The following C8orf34 variants were observed in gnomAD, a reference collection of about 807,000 sequenced individuals.
C8orf34 encodes the protein chromosome 8 open reading frame 34, also known as uncharacterized protein C8orf34.
C8orf34 carries 65 observed loss-of-function variants against 68.3 expected under a neutral mutation model. The observed-to-expected ratio is 0.95, with a 90% CI of 0.78 to 1.17. C8orf34 has a LOEUF of 1.17. Among genes scored for constraint, C8orf34 ranks in the 50% most tolerant of loss-of-function variants. The pLI is 0.00. For missense variants in C8orf34, 664 were observed against 655.4 expected, an observed-to-expected ratio of 1.01 and a Z score of -0.14; for synonymous variants, 244 against 241.2, an observed-to-expected ratio of 1.01 and a Z score of -0.11.
At chr8:68,723,905 C>T (rs908081116) in intron 10 of C8orf34, among the ~76,000 whole-genome samples, 1 of 152,122 alleles carries the variant, frequency 6.6e-6, no homozygotes, top group African/African-American at 2.4e-5. Flanking sequence ...CATACTGCTT[C>T]CCCAATGCAA....
intron 10 of C8orf34, among the ~76,000 whole-genome samples, chr8:68,727,799 C>G (rs1821875152): frequency 6.6e-6 from 1 of 152,166 alleles, no homozygotes; most frequent in African/African-American, 2.4e-5. Flanking sequence ...AGGTGGGACA[C>G]AGGGCACCAA....
chr8:68,682,882 C>T (rs1223122421), intron 8 of C8orf34, among the ~76,000 whole-genome samples: 1 of 152,098 alleles, frequency 6.6e-6, no homozygotes, highest in African/African-American at 2.4e-5. Flanking sequence ...AGGAAGCAAA[C>T]TATTACATTT....
At chr8:68,348,555 G>A (rs1045507197) in intron 1 of C8orf34, among the ~76,000 whole-genome samples, 5 of 152,098 alleles carry the variant, frequency 3.3e-5, no homozygotes, top group African/African-American at 1.2e-4. Context: ...GCCTTGGGCA[G>A]TCTAGTCATT....
chr8:68,605,319 A>C (rs980519186), intron 7 of C8orf34, among the ~76,000 whole-genome samples: 1 of 152,156 alleles, frequency 6.6e-6, no homozygotes, highest in South Asian at 2.1e-4. Flanking sequence ...ATAAAACTAA[A>C]TATACTTTTA....
At chr8:68,408,980 G>A (rs1430978058) in intron 1 of C8orf34, among the ~76,000 whole-genome samples, 1 of 152,042 alleles carries the variant, frequency 6.6e-6, no homozygotes, top group Non-Finnish European at 1.5e-5. Context: ...GTAGAGACGC[G>A]GTTTCACCAT....
At chr8:68,623,802 G>C (rs1818455908) in intron 7 of C8orf34, among the ~76,000 whole-genome samples, 2 of 151,950 alleles carry the variant, frequency 1.3e-5, no homozygotes, top group Admixed American at 1.3e-4. Flanking sequence ...ATTCATGAGT[G>C]TTCCACTCAC....
intron 1 of C8orf34, among the ~76,000 whole-genome samples, chr8:68,423,451 T>A (rs1810070705): frequency 6.6e-6 from 1 of 152,144 alleles, no homozygotes; most frequent in Admixed American, 6.5e-5. Context: ...GACTTCAGTG[T>A]CCATATCACT....
intron 10 of C8orf34, among the ~76,000 whole-genome samples, chr8:68,758,379 T>C (rs1473341215): frequency 6.6e-6 from 1 of 152,222 alleles, no homozygotes; most frequent in African/African-American, 2.4e-5. Flanking sequence ...CAGCAAATTC[T>C]CAAGCTAAGC....
At chr8:68,463,527 A>T (rs1257850308) in intron 3 of C8orf34, among the ~76,000 whole-genome samples, 2 of 152,222 alleles carry the variant, frequency 1.3e-5, no homozygotes, top group African/African-American at 2.4e-5. Context: ...ATGAACATTG[A>T]TGCAAAAATC....
chr8:68,787,753 G>GA (rs78841992), intron 12 of C8orf34: 29,625 of 295,194 alleles, frequency 0.1, 1,956 homozygotes, highest in East Asian at 0.33. Flanking sequence ...TAACTTTCTA[G>GA]AAAAAAAAAG....
chr8:68,411,553 T>A (rs1174678504), intron 1 of C8orf34, among the ~76,000 whole-genome samples: 1 of 152,234 alleles, frequency 6.6e-6, no homozygotes, highest in Non-Finnish European at 1.5e-5. Flanking sequence ...GATTGCTGTG[T>A]ATTGTCCATT....
intron 3 of C8orf34, among the ~76,000 whole-genome samples, chr8:68,455,164 A>G (rs935929798): frequency 6.6e-6 from 1 of 152,132 alleles, no homozygotes; most frequent in Admixed American, 6.5e-5. Context: ...GTTGCCTAAC[A>G]TAAGATCTCT....
At chr8:68,511,714 A>G (rs895169835) in intron 5 of C8orf34, among the ~76,000 whole-genome samples, 3 of 152,246 alleles carry the variant, frequency 2.0e-5, no homozygotes, top group East Asian at 1.9e-4. Flanking sequence ...TAACAATGCC[A>G]TAAGTTAAGA....
At chr8:68,615,604 G>C (rs558423829) in intron 7 of C8orf34, among the ~76,000 whole-genome samples, 1 of 152,130 alleles carries the variant, frequency 6.6e-6, no homozygotes, top group Non-Finnish European at 1.5e-5. Flanking sequence ...ATTGATTTGC[G>C]TATATTGAAC....
At position 68,582,914 on chromosome 8, in the gene C8orf34, A is replaced by G. The variant is rs573272704; in HGVS notation, c.1105+49765A>G. On this transcript the variant is annotated intron_variant, in intron 7 of 13. Coordinates refer to ENST00000518698, the MANE Select transcript of C8orf34 (RefSeq NM_052958.4). ...AAGATAACTGGGAAAATCAGGGTAG[A>G]TAAAAGTAATATTTGGTATAAAGGT... is the stretch of plus-strand genomic sequence containing the variant. 3.3e-5 allele frequency among the ~76,000 whole-genome samples: 5 copies of G among 152,272 alleles called. No homozygotes were observed. In the East Asian group the frequency reaches 9.7e-4, roughly 29 times the overall value.
chr8:68,534,849 G>T, intron 7 of C8orf34: 1 of 985,358 alleles, frequency 1.0e-6, no homozygotes, highest in Non-Finnish European at 1.2e-6. Context: ...AGTCTCCCAA[G>T]CTGAAGACCG....
intron 10 of C8orf34, among the ~76,000 whole-genome samples, chr8:68,736,745 T>C (rs1375797420): frequency 6.6e-6 from 1 of 152,078 alleles, no homozygotes; most frequent in East Asian, 1.9e-4. Context: ...CTTTTAGGTG[T>C]CCTTTTATTC....
At chr8:68,761,328 T>C (rs554823714) in intron 10 of C8orf34, among the ~76,000 whole-genome samples, 3 of 152,332 alleles carry the variant, frequency 2.0e-5, no homozygotes, top group African/African-American at 7.2e-5. Flanking sequence ...AGCTCACTAC[T>C]GTACCTTGCC....
chr8:68,689,298 G>T (rs1820618545), intron 8 of C8orf34, among the ~76,000 whole-genome samples: 2 of 152,000 alleles, frequency 1.3e-5, no homozygotes, highest in Non-Finnish European at 1.5e-5. Flanking sequence ...ACAACATATT[G>T]GATACAGTGT....
Sources: allele counts gnomAD v4.1 joint callset (sites outside exome capture counted in the v4.1 genomes callset), GRCh38; gene constraint gnomAD v4.1.1; transcripts MANE v1.5; gene names NCBI Gene and HGNC (gene_info 2026-07-23, HGNC 2026-07-21).